PADI1: variants seen among roughly 807,000 people sequenced by gnomAD.
The protein encoded by PADI1 is protein-arginine deiminase type-1.
In PADI1, 65 loss-of-function variants were observed where a neutral mutation model predicts 74.8. That is an observed-to-expected ratio of 0.87 (90% CI 0.71 to 1.07). The LOEUF (loss-of-function observed/expected upper bound fraction) is 1.07. Among genes scored for constraint, PADI1 ranks in the 50% least tolerant of loss-of-function variants. The probability of loss-of-function intolerance (pLI) is 0.00; values close to 1 mark genes in which losing one functional copy is unlikely to be tolerated. For synonymous variants in PADI1, 371 were observed against 336.2 expected (o/e 1.10, Z -1.13); for missense variants, 943 against 854.0 (o/e 1.10, Z -1.30).
At chr1:17,223,538 C>T in intron 2 of PADI1, 83 bp from the exon 3 acceptor site, 3 of 1,118,266 alleles carry the variant, frequency 2.7e-6, no homozygotes, top group Non-Finnish European at 4.1e-6. Context: ...CTAAGTAGGG[C>T]TGTCAGGATG....
rs368692383 is a variant in PADI1, at chr1:17,228,602, C to T, written c.653-23C>T. 11 of 1,613,522 alleles carry T rather than the reference C, an allele frequency of 6.8e-6. No individual in the cohort carries two copies. In the African/African-American group the frequency reaches 1.2e-4, roughly 18 times the overall value. ...CCCCTCACCCCTGTCTCCTCGCTAGCCCCTGACTCTTGTTCTTCCTAGGTG... is the reference window on the plus strand; with the variant it reads ...CCCCTCACCCCTGTCTCCTCGCTAGTCCCTGACTCTTGTTCTTCCTAGGTG... On this transcript the variant is annotated intron_variant, in intron 6 of 15. Transcript: ENST00000375471.
chr1:17,232,653 A>C (rs919341282), intron 10 of PADI1, among the ~76,000 whole-genome samples, 166 bp from the exon 11 acceptor site: 2 of 152,178 alleles, frequency 1.3e-5, no homozygotes, highest in Non-Finnish European at 2.9e-5. Flanking sequence ...CATGGTTCGC[A>C]GAGCCCAGGG....
chr1:17,241,938 C>G (rs1442208918), intron 15 of PADI1, among the ~76,000 whole-genome samples: 1 of 151,958 alleles, frequency 6.6e-6, no homozygotes, highest in African/African-American at 2.4e-5. Context: ...AAGTGAATGT[C>G]GGAATCGGCA....
chr1:17,237,247 A>G, intron 11 of PADI1, 67 bp from the exon 12 acceptor site: 1 of 1,506,304 alleles, frequency 6.6e-7, no homozygotes, highest in African/African-American at 1.4e-5. Flanking sequence ...AGATCTGATG[A>G]TGACTCAGGC....
At chr1:17,223,354 C>T (rs1289014545) in intron 2 of PADI1, 3 of 480,946 alleles carry the variant, frequency 6.2e-6, no homozygotes, top group Non-Finnish European at 1.1e-5. Context: ...GGGAGCTGCC[C>T]CACCTTTCCC....
intron 11 of PADI1, 53 bp from the exon 12 acceptor site, chr1:17,237,261 G>GC: frequency 6.5e-7 from 1 of 1,545,370 alleles, no homozygotes; most frequent in Non-Finnish European, 8.7e-7. Flanking sequence ...CTCAGGCAAG[G>GC]CCTGATGCCT....
chr1:17,216,424 C>A (rs371851496), intron 1 of PADI1, among the ~76,000 whole-genome samples: 3 of 151,906 alleles, frequency 2.0e-5, no homozygotes, highest in African/African-American at 4.8e-5. Flanking sequence ...GCTGGCTGTG[C>A]GAGTGAGGGA....
intron 6 of PADI1, among the ~76,000 whole-genome samples, chr1:17,227,228 T>C (rs1163553227): frequency 7.3e-6 from 1 of 137,254 alleles, no homozygotes; most frequent in Non-Finnish European, 1.6e-5. Context: ...AGTGCAAGAC[T>C]TCATCTCAAA....
At chr1:17,230,410 C>T (rs954608526) in intron 9 of PADI1, among the ~76,000 whole-genome samples, 162 bp from the exon 10 acceptor site, 2 of 152,246 alleles carry the variant, frequency 1.3e-5, no homozygotes, top group African/African-American at 4.8e-5. Context: ...TGAAAGTCCT[C>T]TCCTGGCTGG....
intron 6 of PADI1, 134 bp from the exon 7 acceptor site, chr1:17,228,491 T>C (rs1260652519): frequency 4.9e-6 from 4 of 816,746 alleles, no homozygotes; most frequent in Non-Finnish European, 4.1e-6. Flanking sequence ...GCTAAGGCCA[T>C]GCAGCTTGCA....
chr1:17,238,576 G>A (rs376257098), intron 12 of PADI1, 40 bp from the exon 13 acceptor site: 1 of 1,201,804 alleles, frequency 8.3e-7, no homozygotes, highest in African/African-American at 1.6e-5. Flanking sequence ...TGTCTAAGGG[G>A]ACCCTGTCCA....
At chr1:17,228,060 G>A (rs1398011446) in intron 6 of PADI1, among the ~76,000 whole-genome samples, 1 of 152,050 alleles carries the variant, frequency 6.6e-6, no homozygotes, top group African/African-American at 2.4e-5. Flanking sequence ...ATGCTATCAC[G>A]GCTCACTGCA....
At chr1:17,236,152 A>G (rs72646760) in intron 11 of PADI1, among the ~76,000 whole-genome samples, 62 of 152,348 alleles carry the variant, frequency 4.1e-4, no homozygotes, top group Non-Finnish European at 8.2e-4. Context: ...TTCTGACCTT[A>G]GCAATGGACA....
chr1:17,239,752 G>C lies in PADI1; in HGVS notation c.1601G>C (p.Arg534Thr). The change falls in exon 14 of 16, where the codon AGA becomes ACA. Residue 534 changes from arginine (R) to threonine (T), a missense_variant. Coordinates refer to ENST00000375471, the MANE Select transcript of PADI1 (RefSeq NM_013358.3). ...AGCATTAATGAGATGCTGGCAGACA[G>C]ACACCTCCAGAGAGACAATCTTCAT... ...KRSINEMLAD[R>T]HLQRDNLHAQ... 6.2e-7 allele frequency: 1 copy of C among 1,614,014 alleles called. No individual in the cohort carries two copies. Among genetic ancestry groups the C allele is most frequent in the Non-Finnish European group, 8.5e-7 (1 of 1,179,866 alleles).
rs561177799 is a variant in PADI1, at chr1:17,210,024, G to A, written c.92+4715G>A. On this transcript the variant is annotated intron_variant, in intron 1 of 15. Transcript: ENST00000375471. ...TATGCACCACCCCGTATTTTTAATGGAGACAAGGTTTTGCCGTGTTTTCCA... is the reference window on the plus strand; with the variant it reads ...TATGCACCACCCCGTATTTTTAATGAAGACAAGGTTTTGCCGTGTTTTCCA... Among the ~76,000 whole-genome samples, 14 of 151,666 alleles carry A rather than the reference G, an allele frequency of 9.2e-5. No homozygotes were observed. In the East Asian group the frequency reaches 2.7e-3, roughly 29 times the overall value.
chr1:17,237,224 G>GC, intron 11 of PADI1, 90 bp from the exon 12 acceptor site: 1 of 1,418,012 alleles, frequency 7.1e-7, no homozygotes, highest in Non-Finnish European at 9.5e-7. Context: ...GAGCAATTCC[G>GC]CCCCCTGGTG....
intron 1 of PADI1, among the ~76,000 whole-genome samples, chr1:17,215,828 A>G (rs1483031172): frequency 6.6e-6 from 1 of 152,218 alleles, no homozygotes; most frequent in Non-Finnish European, 1.5e-5. Context: ...CAGAAAAAAA[A>G]TCTCTGCATT....
chr1:17,205,526 T>A (rs1329981512), intron 1 of PADI1, among the ~76,000 whole-genome samples: 5 of 152,084 alleles, frequency 3.3e-5, no homozygotes, highest in Non-Finnish European at 7.4e-5. Context: ...CTCAGGACAT[T>A]GGCTTCAATC....
intron 14 of PADI1, chr1:17,240,284 C>A (rs1440534274): frequency 4.1e-6 from 1 of 244,164 alleles, no homozygotes; most frequent in Non-Finnish European, 8.0e-6. Flanking sequence ...GGCCCTTACC[C>A]CTTCCCGGTA....
Sources: allele counts gnomAD v4.1 joint callset (sites outside exome capture counted in the v4.1 genomes callset), GRCh38; gene constraint gnomAD v4.1.1; transcripts MANE v1.5; gene names NCBI Gene and HGNC (gene_info 2026-07-23, HGNC 2026-07-21).